The following IL33 variants were observed in gnomAD, a reference collection of about 807,000 sequenced individuals.
IL33 encodes the protein interleukin-33.
A neutral mutation model predicts 27.3 loss-of-function variants in IL33; 37 were observed. That is an observed-to-expected ratio of 1.36 (90% CI 1.04 to 1.78). The LOEUF (loss-of-function observed/expected upper bound fraction) is 1.78, where lower values mean the gene tolerates loss of function less well. Ranked by LOEUF, IL33 falls within the 40% of genes most tolerant of loss-of-function variation. IL33 has a pLI of 0.00. For synonymous variants in IL33, 132 were observed against 102.9 expected (o/e 1.28, Z -1.71); for missense variants, 406 against 311.4 (o/e 1.30, Z -2.29).
At chr9:6,233,071 G>T (rs1056410403) in intron 1 of IL33, among the ~76,000 whole-genome samples, 2 of 152,080 alleles carry the variant, frequency 1.3e-5, no homozygotes, top group Non-Finnish European at 2.9e-5. Flanking sequence ...CATTCACATT[G>T]TTGTACAACC....
chr9:6,246,291 C>T (rs932773898), intron 2 of IL33, among the ~76,000 whole-genome samples: 6 of 151,488 alleles, frequency 4.0e-5, no homozygotes, highest in Non-Finnish European at 7.4e-5. Context: ...CGGCTGGGTG[C>T]GGTGGCTTAT....
intron 1 of IL33, among the ~76,000 whole-genome samples, chr9:6,232,496 C>G (rs1818972494): frequency 6.6e-6 from 1 of 151,992 alleles, no homozygotes; most frequent in Non-Finnish European, 1.5e-5. Context: ...GGGATGTTCC[C>G]CACCCACACA....
intron 6 of IL33, 57 bp downstream of exon 6, chr9:6,253,659 T>C: frequency 7.2e-7 from 1 of 1,381,486 alleles, no homozygotes; most frequent in South Asian, 1.3e-5. Context: ...GGGGTAAAGA[T>C]AAATCCAAAA....
intron 1 of IL33, among the ~76,000 whole-genome samples, chr9:6,232,811 C>T (rs1164472128): frequency 6.6e-6 from 1 of 152,144 alleles, no homozygotes; most frequent in East Asian, 1.9e-4. Flanking sequence ...TTAGTGACTG[C>T]TTTGACTCTT....
At chr9:6,249,311 T>C (rs1168103023) in intron 2 of IL33, among the ~76,000 whole-genome samples, 1 of 152,230 alleles carries the variant, frequency 6.6e-6, no homozygotes, top group Non-Finnish European at 1.5e-5. Context: ...TTTTTTTAAC[T>C]CATAAAATGA....
intron 2 of IL33, 142 bp from the exon 3 acceptor site, chr9:6,250,332 A>T (rs1398501011): frequency 3.0e-6 from 3 of 983,768 alleles, no homozygotes; most frequent in African/African-American, 1.6e-5. Context: ...AAAACTCCGA[A>T]TTTTGAAACA....
chr9:6,257,890 G>A lies in IL33; in HGVS notation c.*1722G>A, dbSNP rs1339699483. The A allele has an allele frequency of 6.6e-6, 1 of 151,842 alleles. No individual in the cohort carries two copies. Among genetic ancestry groups the A allele is most frequent in the Non-Finnish European group, 1.5e-5 (1 of 67,948 alleles). 9.4% of individuals were successfully genotyped at this position (151,842 alleles called of 1,614,324 possible). A position where few individuals can be genotyped will look rare whatever the true frequency, so the allele number is the denominator to read the frequency against. The stretch of plus-strand genomic sequence containing the variant: ...TGAAAAACACTAATTATTGACATGT[G>A]CATCTGTACAATAAACTTAAAATGA... On this transcript the variant is annotated 3_prime_UTR_variant, in exon 8 of 8. Coordinates refer to ENST00000682010, the MANE Select transcript of IL33 (RefSeq NM_033439.4).
intron 1 of IL33, among the ~76,000 whole-genome samples, chr9:6,228,297 T>C (rs1237868436): frequency 6.6e-6 from 1 of 151,876 alleles, no homozygotes; most frequent in African/African-American, 2.4e-5. Context: ...ACCAAGACTC[T>C]GTCTCAAATA....
chr9:6,221,054 C>A (rs1818391863), intron 1 of IL33, among the ~76,000 whole-genome samples: 1 of 152,132 alleles, frequency 6.6e-6, no homozygotes, highest in South Asian at 2.1e-4. Flanking sequence ...GTACCTGACC[C>A]ATAATTGTTA....
rs1296243557 is a variant in IL33, at chr9:6,256,996, TAA to T, written c.*830_*831del. ...TAACATGCTAAAACTTTTTTTTTTT[TAA>T]AGAGTACTGAGTCACAACATGTTTT... On this transcript the variant is annotated 3_prime_UTR_variant, in exon 8 of 8. Transcript: ENST00000682010. 1 of 151,904 alleles carries T rather than the reference TAA, an allele frequency of 6.6e-6. No homozygotes were observed. Among genetic ancestry groups the T allele is most frequent in the African/African-American group, 2.4e-5 (1 of 41,358 alleles). The allele number at this position is 151,904 out of a possible 1,614,324, so 9.4% of individuals were successfully genotyped here. A position where few individuals can be genotyped will look rare whatever the true frequency, so the allele number is the denominator to read the frequency against.
At chr9:6,252,780 T>C (rs1816478235) in intron 4 of IL33, 86 bp from the exon 5 acceptor site, 1 of 1,531,530 alleles carries the variant, frequency 6.5e-7, no homozygotes, top group Non-Finnish European at 8.9e-7. Flanking sequence ...GCAACTCAAA[T>C]TGCAAAAATG....
intron 2 of IL33, among the ~76,000 whole-genome samples, chr9:6,245,559 G>T (rs1431056071): frequency 3.3e-5 from 5 of 152,162 alleles, no homozygotes; most frequent in Non-Finnish European, 7.4e-5. Flanking sequence ...AAGTGAGGAG[G>T]CAAGAGTAGA....
At chr9:6,250,990 A>G (rs1254833776) in intron 3 of IL33, 150 bp from the exon 4 acceptor site, 5 of 954,282 alleles carry the variant, frequency 5.2e-6, no homozygotes, top group Non-Finnish European at 7.6e-6. Flanking sequence ...TAAGTGTGCC[A>G]AGAGGTATCA....
At chr9:6,246,076 A>G (rs1182784375) in intron 2 of IL33, among the ~76,000 whole-genome samples, 1 of 138,438 alleles carries the variant, frequency 7.2e-6, no homozygotes, top group African/African-American at 3.2e-5. Flanking sequence ...AAAAAAAAAA[A>G]AAAAAAAAAA....
chr9:6,219,673 C>T (rs549009940), intron 1 of IL33, among the ~76,000 whole-genome samples: 6 of 152,134 alleles, frequency 3.9e-5, no homozygotes, highest in Non-Finnish European at 7.3e-5. Context: ...CAAAATCCCA[C>T]TCAAGACAGG....
At chr9:6,226,182 A>T (rs1198627733) in intron 1 of IL33, among the ~76,000 whole-genome samples, 1 of 151,264 alleles carries the variant, frequency 6.6e-6, no homozygotes, top group East Asian at 1.9e-4. Context: ...TAATTTTTTT[A>T]ATTATTTTTT....
chr9:6,233,937 C>T (rs1022716002), intron 1 of IL33, among the ~76,000 whole-genome samples: 1 of 152,222 alleles, frequency 6.6e-6, no homozygotes, highest in Non-Finnish European at 1.5e-5. Context: ...TCCCACCATA[C>T]TTAAATGACT....
chr9:6,254,553 G>GGT lies in IL33; in HGVS notation c.612+1_612+2dup. ...CCAACAACAAGGAACACTCTGTGGA[G>GGT]GTAAAAAAAAAAAATTTATCTATAT... is the stretch of plus-strand genomic sequence containing the variant. On this transcript the variant is annotated frameshift_variant and splice_region_variant. Coordinates refer to ENST00000682010, the MANE Select transcript of IL33 (RefSeq NM_033439.4). LOFTEE classifies it high-confidence loss of function. 6.5e-7 allele frequency: 1 copy of GGT among 1,542,028 alleles called. No homozygotes were observed. The highest frequency in any genetic ancestry group is 8.7e-7 in the Non-Finnish European group (1 of 1,146,470).
At chr9:6,243,561 G>C (rs1472145729) in intron 2 of IL33, among the ~76,000 whole-genome samples, 1 of 152,088 alleles carries the variant, frequency 6.6e-6, no homozygotes, top group Non-Finnish European at 1.5e-5. Context: ...CACCAGGTTG[G>C]CCAGGCTGGT....
Sources: allele counts gnomAD v4.1 joint callset (sites outside exome capture counted in the v4.1 genomes callset), GRCh38; gene constraint gnomAD v4.1.1; transcripts MANE v1.5; gene names NCBI Gene and HGNC (gene_info 2026-07-23, HGNC 2026-07-21).